Variants in ULK4 observed in about 807,000 individuals in gnomAD.
ULK4 encodes the protein inactive serine/threonine-protein kinase ULK4.
A neutral mutation model predicts 160.6 loss-of-function variants in ULK4; 133 were observed. That is an observed-to-expected ratio of 0.83 (90% CI 0.72 to 0.96). The LOEUF is 0.96. Among genes scored for constraint, ULK4 ranks in the 40% least tolerant of loss-of-function variants. The pLI, the probability that ULK4 is intolerant of heterozygous loss-of-function variation, is 0.00. For missense variants in ULK4, 1,580 were observed against 1,499.5 expected, an observed-to-expected ratio of 1.05 and a Z score of -0.89; for synonymous variants, 534 against 539.8, an observed-to-expected ratio of 0.99 and a Z score of 0.15.
chr3:41,678,395 G>A (rs888788406), intron 29 of ULK4, among the ~76,000 whole-genome samples: 9 of 152,124 alleles, frequency 5.9e-5, no homozygotes, highest in Non-Finnish European at 1.3e-4. Flanking sequence ...TTTTCCAGAA[G>A]TATTAGAAAA....
intron 35 of ULK4, among the ~76,000 whole-genome samples, chr3:41,254,689 C>T (rs1025752614): frequency 1.3e-5 from 2 of 151,972 alleles, no homozygotes; most frequent in East Asian, 3.9e-4. Flanking sequence ...TGAGACCAGC[C>T]TGGCCAACAT....
At chr3:41,935,681 A>G in intron 4 of ULK4, 120 bp downstream of exon 4, 1 of 1,233,936 alleles carries the variant, frequency 8.1e-7, no homozygotes, top group Non-Finnish European at 1.1e-6. Flanking sequence ...TTAAAAAAAG[A>G]TTAACTAAAA....
intron 35 of ULK4, among the ~76,000 whole-genome samples, chr3:41,327,496 C>T (rs748350919): frequency 3.3e-5 from 5 of 152,138 alleles, no homozygotes; most frequent in Non-Finnish European, 5.9e-5. Flanking sequence ...AGCCCACACA[C>T]GTCCAGGACC....
chr3:41,591,991 A>T lies in ULK4; in HGVS notation c.3120+23678T>A, dbSNP rs76968598. Among the ~76,000 whole-genome samples, 399 of 152,368 alleles carry T rather than the reference A, an allele frequency of 2.6e-3. 1 individual carries two copies. Among genetic ancestry groups the T allele is most frequent in the African/African-American group, 8.7e-3 (362 of 41,598 alleles). On this transcript the variant is annotated intron_variant, in intron 31 of 36. Coordinates refer to ENST00000301831, the MANE Select transcript of ULK4 (RefSeq NM_017886.4). ...CAGCTCCCAGTTGGATGGACAGAAC[A>T]GCATGTGGAGTCTTGCATCCGGAAC... is the stretch of plus-strand genomic sequence containing the variant.
chr3:41,602,047 T>C (rs1234456139), intron 31 of ULK4, among the ~76,000 whole-genome samples: 1 of 151,828 alleles, frequency 6.6e-6, no homozygotes, highest in Non-Finnish European at 1.5e-5. Flanking sequence ...TAAAATAAAA[T>C]TAGCCAGGCA....
chr3:41,444,928 A>T (rs2083262548), intron 34 of ULK4, among the ~76,000 whole-genome samples: 1 of 152,184 alleles, frequency 6.6e-6, no homozygotes, highest in African/African-American at 2.4e-5. Flanking sequence ...AGAGGAATTC[A>T]AATTGTCCCT....
chr3:41,506,765 A>AAAAAAAAAAAAAAATATATATAT (rs1491135487), intron 32 of ULK4, among the ~76,000 whole-genome samples: 989 of 10,432 alleles, frequency 0.095, 153 homozygotes, highest in African/African-American at 0.14. Flanking sequence ...AGTGTGATTT[A>AAAAAAAAAAAAAAATATATATAT]AAATATATAT....
chr3:41,833,085 T>C (rs1468536408), intron 18 of ULK4, among the ~76,000 whole-genome samples: 1 of 152,200 alleles, frequency 6.6e-6, no homozygotes, highest in African/African-American at 2.4e-5. Flanking sequence ...AATGGTAGTT[T>C]GATGGAAATA....
At chr3:41,616,125 A>G (rs963556394) in intron 30 of ULK4, among the ~76,000 whole-genome samples, 4 of 152,222 alleles carry the variant, frequency 2.6e-5, no homozygotes, top group African/African-American at 9.7e-5. Flanking sequence ...CTCAGCATTA[A>G]GAAATTAATG....
chr3:41,578,447 C>A (rs2088274021), intron 31 of ULK4, among the ~76,000 whole-genome samples: 1 of 152,126 alleles, frequency 6.6e-6, no homozygotes, highest in Admixed American at 6.5e-5. Flanking sequence ...TCAATAAGCT[C>A]ATTTTTGGCC....
At chr3:41,478,375 A>G (rs111965497) in intron 32 of ULK4, among the ~76,000 whole-genome samples, 3,069 of 152,340 alleles carry the variant, frequency 0.02, 103 homozygotes, top group African/African-American at 0.071. Flanking sequence ...CTCTGTATTC[A>G]GTACATTCAT....
At position 41,453,838 on chromosome 3, in the gene ULK4, T is replaced by C. The variant is rs536122648; in HGVS notation, c.3492+1659A>G. 2.5e-4 allele frequency among the ~76,000 whole-genome samples: 38 copies of C among 152,124 alleles called. No homozygotes were observed. The East Asian group carries it at 2.9e-3, about 12-fold the overall frequency. On this transcript the variant is annotated intron_variant, in intron 34 of 36. Transcript: ENST00000301831. ...TAGAAAAATTCCATTTAAGGAATAC[T>C]ATGCAGCCATAAAAAAGGATGAGTT...
chr3:41,597,182 A>G (rs2031751215), intron 31 of ULK4, among the ~76,000 whole-genome samples: 1 of 152,092 alleles, frequency 6.6e-6, no homozygotes, highest in African/African-American at 2.4e-5. Flanking sequence ...GTGGAGCATA[A>G]TGGAAAAATC....
At chr3:41,902,073 A>AG (rs1698389499) in intron 12 of ULK4, among the ~76,000 whole-genome samples, 1 of 152,198 alleles carries the variant, frequency 6.6e-6, no homozygotes, top group Admixed American at 6.5e-5. Flanking sequence ...GGAAAAAAAA[A>AG]AGAGAGAGAG....
chr3:41,326,052 A>G (rs1443505268), intron 35 of ULK4, among the ~76,000 whole-genome samples: 1 of 152,224 alleles, frequency 6.6e-6, no homozygotes, highest in East Asian at 1.9e-4. Context: ...ATCATATCCC[A>G]GGAAAAATCA....
intron 30 of ULK4, among the ~76,000 whole-genome samples, chr3:41,658,737 A>ACACACACACACACTCT (rs1553628730): frequency 7.3e-5 from 11 of 151,050 alleles, no homozygotes; most frequent in Non-Finnish European, 1.0e-4. Flanking sequence ...GTACACACAC[A>ACACACACACACACTCT]CACACACACA....
intron 2 of ULK4, among the ~76,000 whole-genome samples, chr3:41,947,378 C>T (rs1235458990): frequency 3.3e-5 from 5 of 152,074 alleles, no homozygotes; most frequent in African/African-American, 4.8e-5. Flanking sequence ...GGACTGTCAA[C>T]GCGACAGCTG....
intron 18 of ULK4, among the ~76,000 whole-genome samples, chr3:41,831,007 ATTTTT>A (rs757743394): frequency 3.4e-5 from 5 of 146,660 alleles, no homozygotes; most frequent in African/African-American, 5.4e-5. Flanking sequence ...TGTTTTTATT[ATTTTT>A]TTTATTTATT....
rs778454386 is a variant in ULK4 at position 41,424,289 on chromosome 3, G to C, written c.3493-26025C>G. Among the ~76,000 whole-genome samples the C allele has an allele frequency of 5.1e-4, 77 of 152,272 alleles. 1 individual carries two copies. The highest frequency in any genetic ancestry group is 3.4e-3 in the Middle Eastern group (1 of 294). The stretch of plus-strand genomic sequence containing the variant: ...TGATCTCCCTGGGACTGAGCCCCTG[G>C]GGGGAGGGGCAGCCATGGTCTTTTA... On this transcript the variant is annotated intron_variant, in intron 34 of 36. Transcript: ENST00000301831.
Sources: allele counts gnomAD v4.1 joint callset (sites outside exome capture counted in the v4.1 genomes callset), GRCh38; gene constraint gnomAD v4.1.1; transcripts MANE v1.5; gene names NCBI Gene and HGNC (gene_info 2026-07-23, HGNC 2026-07-21).